The following WDR64 variants were observed in gnomAD, a reference collection of about 807,000 sequenced individuals.
WDR64 encodes WD repeat-containing protein 64.
Under a neutral mutation model 139.3 loss-of-function variants are expected in WDR64, and 112 were observed. The observed-to-expected ratio is 0.80, with a 90% confidence interval of 0.69 to 0.94. The LOEUF (loss-of-function observed/expected upper bound fraction) is 0.94. Ranked by LOEUF, WDR64 falls within the 40% of genes least tolerant of loss-of-function variation. The pLI, the probability that WDR64 is intolerant of heterozygous loss-of-function variation, is 0.00. For missense variants in WDR64, 1,206 were observed against 1,293.1 expected (o/e 0.93, Z 1.03); for synonymous variants, 444 against 437.7 (o/e 1.01, Z -0.18).
rs375485423 is a variant in WDR64, at chr1:241,725,817, C to G, written c.1194+2381C>G. 2.3e-4 allele frequency among the ~76,000 whole-genome samples: 35 copies of G among 151,956 alleles called. No individual in the cohort carries two copies. The East Asian group carries it at 2.9e-3, about 13-fold the overall frequency. On this transcript the variant is annotated intron_variant, in intron 10 of 27. Transcript: ENST00000437684. ...AGACTCCAAAGATTCACTATCCCCC[C>G]ACTCCAAAAAAAAAACTCTCAATTT...
chr1:241,793,047 G>A (rs888281159), intron 25 of WDR64, among the ~76,000 whole-genome samples: 2 of 152,176 alleles, frequency 1.3e-5, no homozygotes, highest in African/African-American at 4.8e-5. Context: ...ATAGACCTGT[G>A]AAAATAAATG....
chr1:241,727,079 G>T (rs1229819149), intron 10 of WDR64, among the ~76,000 whole-genome samples: 1 of 152,004 alleles, frequency 6.6e-6, no homozygotes, highest in Admixed American at 6.5e-5. Flanking sequence ...TAGAGACAGG[G>T]TTTCGTCATG....
At chr1:241,685,482 T>C (rs1170130737) in intron 7 of WDR64, among the ~76,000 whole-genome samples, 1 of 152,100 alleles carries the variant, frequency 6.6e-6, no homozygotes, top group Non-Finnish European at 1.5e-5. Context: ...AGTATAAGTA[T>C]CCAAAACTTT....
In WDR64 at chr1:241,725,166, G is replaced by T. The variant is rs186422138; in HGVS notation, c.1194+1730G>T. 2.3e-3 allele frequency among the ~76,000 whole-genome samples: 344 copies of T among 152,192 alleles called. 4 individuals are homozygous for T. Among genetic ancestry groups the T allele is most frequent in the African/African-American group, 7.9e-3 (329 of 41,518 alleles). The stretch of plus-strand genomic sequence containing the variant: ...GGCAAAGGTTTAAGAACACAGACAG[G>T]TTTACATACTGCTGGGTGGAAATAA... On this transcript the variant is annotated intron_variant, in intron 10 of 27. Transcript: ENST00000437684.
intron 13 of WDR64, among the ~76,000 whole-genome samples, chr1:241,747,076 A>G (rs922064801): frequency 2.6e-5 from 4 of 152,234 alleles, no homozygotes; most frequent in Non-Finnish European, 4.4e-5. Flanking sequence ...CATTCTTAAA[A>G]TAACAAAGTA....
At chr1:241,749,517 C>T (rs764081815) in intron 13 of WDR64, 30 bp from the exon 14 acceptor site, 2 of 1,589,118 alleles carry the variant, frequency 1.3e-6, no homozygotes, top group Non-Finnish European at 1.7e-6. Context: ...GTCATTTTTA[C>T]CCACATAGTC....
In WDR64 at chr1:241,796,331, T is replaced by C; in HGVS notation, c.3153T>C (p.Ile1051=). 1 of 1,613,882 alleles carries C rather than the reference T, an allele frequency of 6.2e-7. No individual in the cohort carries two copies. Among genetic ancestry groups the C allele is most frequent in the Non-Finnish European group, 8.5e-7 (1 of 1,179,880 alleles). Residue 1051 remains isoleucine, a synonymous_variant, in exon 27 of 28, where the codon ATT becomes ATC. Coordinates refer to ENST00000437684, the MANE Select transcript of WDR64 (RefSeq NM_001367482.1). ...VEAQKDSSDG[I]TGKKKGGHVQ... The stretch of plus-strand genomic sequence containing the variant: ...CCCAAAAGGACTCTTCAGATGGCAT[T>C]ACAGGAAAGAAGAAGGGAGGTCATG...
At chr1:241,704,875 T>C (rs1487736229) in intron 8 of WDR64, among the ~76,000 whole-genome samples, 2 of 152,330 alleles carry the variant, frequency 1.3e-5, no homozygotes, top group East Asian at 3.9e-4. Context: ...TCTAGACCCA[T>C]GACCTTTACA....
At chr1:241,677,467 G>C (rs1182664516) in intron 4 of WDR64, 1 of 398,370 alleles carries the variant, frequency 2.5e-6, no homozygotes, top group South Asian at 1.3e-4. Flanking sequence ...CGTTTCTTCT[G>C]GGCCGCTGTT....
chr1:241,744,654 C>A, intron 13 of WDR64, 138 bp downstream of exon 13: 2 of 1,119,224 alleles, frequency 1.8e-6, no homozygotes, highest in Non-Finnish European at 1.3e-6. Context: ...AATTCCTGTG[C>A]CTGGGTGAAT....
chr1:241,738,373 T>C lies in WDR64; in HGVS notation c.1205T>C (p.Val402Ala), dbSNP rs1669405011. 1 of 1,612,848 alleles carries C rather than the reference T, an allele frequency of 6.2e-7. No individual in the cohort carries two copies. Among genetic ancestry groups the C allele is most frequent in the African/African-American group, 1.3e-5 (1 of 74,868 alleles). Residue 402 changes from valine (V) to alanine (A), a missense_variant, in exon 11 of 28, where the codon GTG becomes GCG. Coordinates refer to ENST00000437684, the MANE Select transcript of WDR64 (RefSeq NM_001367482.1). ...TTGTTATTCTTCCAGGTTTTCCGGG[T>C]GTGGGATATACAAACTCTTTCACTA... Reference protein sequence around the residue: ...VSLSSAKVFRVWDIQTLSLLQ... With the variant: ...VSLSSAKVFRAWDIQTLSLLQ...
chr1:241,713,337 A>AAGGAAGGG (rs557106872), intron 9 of WDR64, among the ~76,000 whole-genome samples: 4 of 93,378 alleles, frequency 4.3e-5, no homozygotes, highest in African/African-American at 1.2e-4. Context: ...GGAAGGAAGG[A>AAGGAAGGG]AGGGAGGGAG....
chr1:241,728,489 A>G (rs10926552), intron 10 of WDR64, among the ~76,000 whole-genome samples: 64,217 of 151,894 alleles, frequency 0.42, 13,633 homozygotes, highest in South Asian at 0.48. Flanking sequence ...CAGAAAGCAT[A>G]TAAATCGCCA....
rs141339553 is a variant in WDR64 at position 241,759,138 on chromosome 1, GTACAT to G, written c.1947+1687_1947+1691del. ...TTATGTCATTTTATGTGCTATCATT[GTACAT>G]TACATTATATTCTAGTTTCAGAAAA... On this transcript the variant is annotated intron_variant, in intron 15 of 27. Transcript: ENST00000437684. Among the ~76,000 whole-genome samples, 1,187 of 151,846 alleles carry G rather than the reference GTACAT, an allele frequency of 7.8e-3. 12 individuals are homozygous for G. Among genetic ancestry groups the G allele is most frequent in the African/African-American group, 0.027 (1,119 of 41,408 alleles).
chr1:241,773,702 G>T (rs1450886380), intron 20 of WDR64, among the ~76,000 whole-genome samples: 3 of 152,050 alleles, frequency 2.0e-5, no homozygotes, highest in Non-Finnish European at 4.4e-5. Context: ...TCCTGACCTC[G>T]TGATCCGCCA....
chr1:241,670,798 G>A (rs1415899571), intron 2 of WDR64, among the ~76,000 whole-genome samples: 3 of 152,136 alleles, frequency 2.0e-5, no homozygotes, highest in Non-Finnish European at 4.4e-5. Flanking sequence ...AGAATCTAGT[G>A]CCTGATGATC....
At chr1:241,674,963 CTTCTTT>C (rs1160695240) in intron 4 of WDR64, among the ~76,000 whole-genome samples, 1 of 58,526 alleles carries the variant, frequency 1.7e-5, no homozygotes. Flanking sequence ...TCTCTCCTCC[CTTCTTT>C]TTCTTTCCTT....
At chr1:241,673,627 T>C (rs1167992693) in intron 3 of WDR64, among the ~76,000 whole-genome samples, 2 of 152,244 alleles carry the variant, frequency 1.3e-5, no homozygotes, top group Non-Finnish European at 2.9e-5. Flanking sequence ...AACTAATTTG[T>C]ACCCCTTTGG....
At chr1:241,695,210 A>G (rs1667437238) in intron 8 of WDR64, among the ~76,000 whole-genome samples, 1 of 152,182 alleles carries the variant, frequency 6.6e-6, no homozygotes, top group Non-Finnish European at 1.5e-5. Context: ...AATACTCAAA[A>G]TACGTCACTT....
Sources: gnomAD v4.1 joint callset for allele counts (sites outside exome capture counted in the v4.1 genomes callset) on GRCh38, gnomAD v4.1.1 for gene constraint, MANE v1.5 for transcripts, NCBI Gene and HGNC (gene_info 2026-07-23, HGNC 2026-07-21) for gene names.